GNAI1: variants seen among roughly 807,000 people sequenced by gnomAD.
GNAI1 encodes G protein subunit alpha i1.
Under a neutral mutation model 38.9 loss-of-function variants are expected in GNAI1, and 11 were observed. The observed-to-expected ratio is 0.28, with a 90% CI of 0.18 to 0.47. GNAI1 has a LOEUF of 0.47. Ranked by LOEUF, GNAI1 falls within the 20% of genes least tolerant of loss-of-function variation. GNAI1 has a pLI of 0.99. For synonymous variants in GNAI1, 166 were observed against 145.1 expected (o/e 1.14, Z -1.04); for missense variants, 317 against 436.9 (o/e 0.73, Z 2.45).
chr7:80,195,503 G>A (rs542547198), intron 3 of GNAI1, among the ~76,000 whole-genome samples: 2 of 151,734 alleles, frequency 1.3e-5, no homozygotes, highest in East Asian at 1.9e-4. Context: ...TGATCAAGTC[G>A]GCTTCATCCC....
intron 5 of GNAI1, among the ~76,000 whole-genome samples, chr7:80,206,783 C>G (rs1395164572): frequency 1.3e-5 from 2 of 151,996 alleles, no homozygotes; most frequent in Non-Finnish European, 2.9e-5. Flanking sequence ...CACCATGTTT[C>G]TTCGTAGGCA....
chr7:80,210,943 T>C, intron 5 of GNAI1, 26 bp from the exon 6 acceptor site: 1 of 1,605,456 alleles, frequency 6.2e-7, no homozygotes, highest in Non-Finnish European at 8.5e-7. Flanking sequence ...TTTAATGTGA[T>C]GTTAACTCAT....
At chr7:80,195,861 C>G (rs907571806) in intron 3 of GNAI1, among the ~76,000 whole-genome samples, 2 of 151,872 alleles carry the variant, frequency 1.3e-5, no homozygotes, top group African/African-American at 2.4e-5. Context: ...AAAAATTCCT[C>G]TAGTTGAGAT....
At chr7:80,189,308 A>G in intron 3 of GNAI1, 77 bp downstream of exon 3, 1 of 1,256,372 alleles carries the variant, frequency 8.0e-7, no homozygotes. Flanking sequence ...ACTGTGTAAC[A>G]TAGGCTTGTC....
At chr7:80,142,883 A>G (rs916518330) in intron 1 of GNAI1, among the ~76,000 whole-genome samples, 9 of 152,260 alleles carry the variant, frequency 5.9e-5, no homozygotes, top group Non-Finnish European at 8.8e-5. Context: ...TGATTTTCAT[A>G]TTTGAATATT....
chr7:80,162,331 T>C (rs928046733), intron 1 of GNAI1, among the ~76,000 whole-genome samples: 1 of 152,234 alleles, frequency 6.6e-6, no homozygotes, highest in Non-Finnish European at 1.5e-5. Context: ...AATCTGCTCC[T>C]GTGCCAGGTA....
At position 80,218,873 on chromosome 7, in the gene GNAI1, A is replaced by T. The variant is rs940935177; in HGVS notation, c.*1380A>T. On this transcript the variant is annotated 3_prime_UTR_variant, in exon 8 of 8. Coordinates refer to ENST00000649796, the MANE Select transcript of GNAI1 (RefSeq NM_002069.6). Reference sequence around the variant, plus strand: ...TAGAATAATTTTCTTTTGATTATTCATGATGTGTCATCTCTGACCTTGTTT... The same window carrying T: ...TAGAATAATTTTCTTTTGATTATTCTTGATGTGTCATCTCTGACCTTGTTT... 6.6e-6 allele frequency: 1 copy of T among 152,156 alleles called. No individual in the cohort carries two copies. The highest frequency in any genetic ancestry group is 1.5e-5 in the Non-Finnish European group (1 of 68,050). 9.4% of individuals were successfully genotyped at this position (152,156 alleles called of 1,614,324 possible). A position where few individuals can be genotyped will look rare whatever the true frequency, so the allele number is the denominator to read the frequency against.
At position 80,225,626 on chromosome 7, in the gene GNAI1, C is replaced by G. The variant is rs1789146515; in HGVS notation, c.*8133C>G. Among the ~76,000 whole-genome samples the G allele has an allele frequency of 6.6e-6, 1 of 152,160 alleles. No homozygotes were observed. Among genetic ancestry groups the G allele is most frequent in the Non-Finnish European group, 1.5e-5 (1 of 68,022 alleles). Reference sequence around the variant, plus strand: ...GTGGAGGAGGACAGGAATTTGCTATCTGCAGGACTTAAATCAGGATAGAGT... The same window carrying G: ...GTGGAGGAGGACAGGAATTTGCTATGTGCAGGACTTAAATCAGGATAGAGT... On this transcript the variant is annotated 3_prime_UTR_variant, in exon 8 of 8. Transcript: ENST00000649796.
intron 1 of GNAI1, among the ~76,000 whole-genome samples, chr7:80,163,683 T>C (rs955339629): frequency 2.6e-5 from 4 of 152,216 alleles, no homozygotes; most frequent in African/African-American, 9.6e-5. Context: ...ATAGTCAGAG[T>C]ATGAATTCTG....
intron 1 of GNAI1, among the ~76,000 whole-genome samples, chr7:80,168,726 CATT>C (rs1383951981): frequency 6.6e-6 from 1 of 152,170 alleles, no homozygotes; most frequent in Non-Finnish European, 1.5e-5. Context: ...AGTACAGTCA[CATT>C]GTTGTTCACC....
intron 1 of GNAI1, among the ~76,000 whole-genome samples, chr7:80,142,378 C>T (rs922101523): frequency 2.0e-5 from 3 of 152,192 alleles, no homozygotes; most frequent in African/African-American, 4.8e-5. Flanking sequence ...TTACTCAAGT[C>T]GTAATGTGAA....
intron 1 of GNAI1, among the ~76,000 whole-genome samples, chr7:80,162,599 A>C (rs547986271): frequency 6.6e-6 from 1 of 152,320 alleles, no homozygotes; most frequent in East Asian, 1.9e-4. Context: ...TCGAAGAGAA[A>C]GTTGTTCTTG....
intron 1 of GNAI1, among the ~76,000 whole-genome samples, chr7:80,174,420 T>G (rs1385582944): frequency 6.6e-6 from 1 of 151,544 alleles, no homozygotes; most frequent in African/African-American, 2.4e-5. Context: ...TATATGCTTA[T>G]TTTCCCTCTA....
At chr7:80,179,800 G>A (rs1482361112) in intron 1 of GNAI1, among the ~76,000 whole-genome samples, 1 of 152,212 alleles carries the variant, frequency 6.6e-6, no homozygotes, top group Non-Finnish European at 1.5e-5. Flanking sequence ...AGTGCCAGGT[G>A]ATAGGTGCAC....
chr7:80,211,686 T>G (rs1000078722), intron 6 of GNAI1, among the ~76,000 whole-genome samples: 1 of 152,206 alleles, frequency 6.6e-6, no homozygotes, highest in African/African-American at 2.4e-5. Flanking sequence ...CCCAAAGTGC[T>G]GGGATTACAG....
chr7:80,156,442 T>A (rs1381968008), intron 1 of GNAI1, among the ~76,000 whole-genome samples: 1 of 152,076 alleles, frequency 6.6e-6, no homozygotes, highest in East Asian at 1.9e-4. Context: ...AGCTTTTTTT[T>A]TTTTGAGATG....
rs918721769 is a variant in GNAI1 at position 80,204,318 on chromosome 7, G to A, written c.590+486G>A. Among the ~76,000 whole-genome samples, 3 of 152,100 alleles carry A rather than the reference G, an allele frequency of 2.0e-5. No homozygotes were observed. In the East Asian group the frequency reaches 5.8e-4, roughly 30 times the overall value. On this transcript the variant is annotated intron_variant, in intron 5 of 7. Coordinates refer to ENST00000649796, the MANE Select transcript of GNAI1 (RefSeq NM_002069.6). ...AGGTAGTCCTTATGCACTATTTCAT[G>A]ATAAGAAGTATTCATTTAAAGTGTA...
chr7:80,179,479 G>C (rs1274650454), intron 1 of GNAI1, among the ~76,000 whole-genome samples: 2 of 152,090 alleles, frequency 1.3e-5, no homozygotes, highest in Non-Finnish European at 1.5e-5. Flanking sequence ...CCTGCCATTT[G>C]GGAAGGAAAA....
intron 3 of GNAI1, among the ~76,000 whole-genome samples, chr7:80,196,070 A>G (rs1040318967): frequency 1.3e-5 from 2 of 151,984 alleles, no homozygotes; most frequent in Non-Finnish European, 2.9e-5. Flanking sequence ...TAATCACTAA[A>G]TAAGTACAGC....
Sources: allele counts gnomAD v4.1 joint callset (sites outside exome capture counted in the v4.1 genomes callset), GRCh38; gene constraint gnomAD v4.1.1; transcripts MANE v1.5; gene names NCBI Gene and HGNC (gene_info 2026-07-23, HGNC 2026-07-21).